The following DPP4 variants were observed in gnomAD, a reference collection of about 807,000 sequenced individuals.
The protein encoded by DPP4 is ADCP-2.
DPP4 carries 93 observed loss-of-function variants against 122.4 expected under a neutral mutation model. That is an observed-to-expected ratio of 0.76 (90% confidence interval 0.64 to 0.90). DPP4 has a LOEUF of 0.90. Ranked by LOEUF, DPP4 falls within the 40% of genes least tolerant of loss-of-function variation. DPP4 has a pLI of 0.00. For synonymous variants in DPP4, 321 were observed against 302.9 expected (o/e 1.06, Z -0.62); for missense variants, 914 against 907.3 (o/e 1.01, Z -0.09).
chr2:162,033,098 C>G (rs1325778553), intron 10 of DPP4, among the ~76,000 whole-genome samples: 1 of 152,152 alleles, frequency 6.6e-6, no homozygotes, highest in Admixed American at 6.5e-5. Context: ...TTCCTCTGCC[C>G]CCTGCTATTG....
intron 2 of DPP4, among the ~76,000 whole-genome samples, chr2:162,069,885 A>G (rs1190305372): frequency 6.6e-6 from 1 of 152,244 alleles, no homozygotes; most frequent in African/African-American, 2.4e-5. Context: ...GGTATAGAAG[A>G]AATTTACCAC....
chr2:162,022,571 T>A (rs766220118), intron 12 of DPP4, among the ~76,000 whole-genome samples, 184 bp downstream of exon 12: 7 of 152,338 alleles, frequency 4.6e-5, no homozygotes, highest in Middle Eastern at 3.4e-3. Context: ...TTTTTCCAAC[T>A]GTGTGTGTTA....
Position 161,992,708 on chromosome 2 carries a change from T to C in DPP4, c.*575A>G, listed in dbSNP as rs952185540. ...ACTTAGAAGTCAGTGCTTTGCATATTTGATTTCCTGAGACTGTTTGAATAG... is the reference window on the plus strand; with the variant it reads ...ACTTAGAAGTCAGTGCTTTGCATATCTGATTTCCTGAGACTGTTTGAATAG... On this transcript the variant is annotated 3_prime_UTR_variant, in exon 26 of 26. Coordinates refer to ENST00000360534, the MANE Select transcript of DPP4 (RefSeq NM_001935.4). 5 of 152,884 alleles carry C rather than the reference T, an allele frequency of 3.3e-5. No homozygotes were observed. The highest frequency in any genetic ancestry group is 1.2e-4 in the African/African-American group (5 of 41,454). 9.5% of individuals were successfully genotyped at this position (152,884 alleles called of 1,614,324 possible). A position where few individuals can be genotyped will look rare whatever the true frequency, so the allele number is the denominator to read the frequency against.
intron 22 of DPP4, among the ~76,000 whole-genome samples, chr2:162,007,427 C>A (rs900712902): frequency 6.6e-6 from 1 of 152,034 alleles, no homozygotes; most frequent in Non-Finnish European, 1.5e-5. Context: ...TGCATAACTG[C>A]ATAATACAAT....
In DPP4 at chr2:162,035,288, G is replaced by C; in HGVS notation, c.650C>G (p.Ser217Cys). 1 of 1,613,986 alleles carries C rather than the reference G, an allele frequency of 6.2e-7. No individual in the cohort carries two copies. Among genetic ancestry groups the C allele is most frequent in the South Asian group, 1.1e-5 (1 of 91,074 alleles). ...ATATGCTAAAAAAGTGCCGTTTGGA[G>C]ACCACCACAGAGCAGAGTAGGCACT... ...VFSAYSALWW[S>C]PNGTFLAYAQ... Residue 217 changes from serine (S) to cysteine (C), a missense_variant, in exon 9 of 26, where the codon TCT becomes TGT. Coordinates refer to ENST00000360534, the MANE Select transcript of DPP4 (RefSeq NM_001935.4).
intron 5 of DPP4, among the ~76,000 whole-genome samples, chr2:162,044,348 T>C (rs1357246529): frequency 2.6e-5 from 4 of 152,044 alleles, no homozygotes; most frequent in African/African-American, 9.7e-5. Context: ...CATCCTGAGA[T>C]GGTAAATGCA....
At chr2:162,037,992 A>AGGC (rs1683840132) in intron 8 of DPP4, among the ~76,000 whole-genome samples, 3 of 152,126 alleles carry the variant, frequency 2.0e-5, no homozygotes, top group Non-Finnish European at 2.9e-5. Flanking sequence ...GAAATATCTG[A>AGGC]TGTTAATCTG....
chr2:162,064,238 A>C (rs1284006261), intron 2 of DPP4, among the ~76,000 whole-genome samples: 3 of 152,186 alleles, frequency 2.0e-5, no homozygotes. Flanking sequence ...CAGGGAAAAT[A>C]GGGCCAGATT....
intron 2 of DPP4, among the ~76,000 whole-genome samples, chr2:162,066,942 C>T (rs909016587): frequency 2.8e-5 from 2 of 70,982 alleles, no homozygotes; most frequent in Non-Finnish European, 3.1e-5. Flanking sequence ...TTCCATTAGG[C>T]CTCACCTCCA....
At chr2:162,022,204 C>G (rs1576045439) in intron 12 of DPP4, among the ~76,000 whole-genome samples, 1 of 152,136 alleles carries the variant, frequency 6.6e-6, no homozygotes, top group South Asian at 2.1e-4. Flanking sequence ...GACTGAGAAG[C>G]ATGACAAGTC....
chr2:161,995,476 T>A, intron 23 of DPP4, 104 bp from the exon 24 acceptor site: 1 of 964,174 alleles, frequency 1.0e-6, no homozygotes, highest in Non-Finnish European at 1.6e-6. Flanking sequence ...GGGCCCCCTT[T>A]GATACAAAAT....
chr2:162,052,328 A>G (rs1684412681), intron 2 of DPP4, among the ~76,000 whole-genome samples: 1 of 150,278 alleles, frequency 6.7e-6, no homozygotes, highest in African/African-American at 2.5e-5. Context: ...CAAAAAAAAA[A>G]AAAAAAAAAA....
At chr2:161,994,848 T>G (rs76057000) in intron 25 of DPP4, 113 bp downstream of exon 25, 6 of 1,002,680 alleles carry the variant, frequency 6.0e-6, no homozygotes, top group Non-Finnish European at 7.5e-6. Flanking sequence ...AAAAAAAAAT[T>G]TTTAATGTTT....
intron 2 of DPP4, among the ~76,000 whole-genome samples, chr2:162,067,363 A>G (rs1308722746): frequency 2.0e-5 from 3 of 152,106 alleles, no homozygotes; most frequent in Non-Finnish European, 4.4e-5. Context: ...GGGGTGGATG[A>G]TAAGACCTGC....
chr2:161,993,394 GAA>G lies in DPP4; in HGVS notation c.2200-12_2200-11del. 1.3e-6 allele frequency: 2 copies of G among 1,583,192 alleles called. No individual in the cohort carries two copies. The highest frequency in any genetic ancestry group is 8.7e-7 in the Non-Finnish European group (1 of 1,154,922). Reference sequence around the variant, plus strand: ...CTTCATCAGTATACCACTAGAGAGAGAAAGAAAAGAAGTTAGAATTAGGAAGT... The same window carrying G: ...CTTCATCAGTATACCACTAGAGAGAGAGAAAAGAAGTTAGAATTAGGAAGT... On this transcript the variant is annotated splice_polypyrimidine_tract_variant and intron_variant, in intron 25 of 25. Transcript: ENST00000360534.
At chr2:162,058,361 C>G (rs1243567592) in intron 2 of DPP4, among the ~76,000 whole-genome samples, 1 of 152,136 alleles carries the variant, frequency 6.6e-6, no homozygotes, top group Admixed American at 6.5e-5. Flanking sequence ...TTAAAGAAAT[C>G]TTAGTTGGAA....
chr2:162,040,341 G>A (rs1008201817), intron 5 of DPP4, among the ~76,000 whole-genome samples: 1 of 152,078 alleles, frequency 6.6e-6, no homozygotes, highest in Admixed American at 6.6e-5. Flanking sequence ...TAAACAAACT[G>A]TAGTAGAGAT....
intron 2 of DPP4, among the ~76,000 whole-genome samples, chr2:162,052,295 G>T (rs574185143): frequency 6.9e-6 from 1 of 145,090 alleles, no homozygotes; most frequent in East Asian, 2.0e-4. Context: ...TCCAGCCTGG[G>T]CAACAAGAGC....
At position 162,018,844 on chromosome 2, in the gene DPP4, T is replaced by G. The variant is rs1409392636; in HGVS notation, c.1305A>C (p.Gln435His). The G allele has an allele frequency of 1.2e-6, 2 of 1,613,780 alleles. No individual in the cohort carries two copies. The highest frequency in any genetic ancestry group is 2.7e-5 in the African/African-American group (2 of 74,904). ...ATGTCACTTTTGTATAGTCACTAAG[T>G]TGGATTCTGTAAAACCAACGGTGGA... ...MPGGRNLYKI[Q>H]LSDYTKVTCL... The change falls in exon 16 of 26, where the codon CAA becomes CAC. Residue 435 changes from glutamine (Q) to histidine (H), a missense_variant. Physicochemically the swap from Gln to His is conservative, Grantham distance 24 (BLOSUM62 0). Coordinates refer to ENST00000360534, the MANE Select transcript of DPP4 (RefSeq NM_001935.4).
Sources: gnomAD v4.1 joint callset for allele counts (sites outside exome capture counted in the v4.1 genomes callset) on GRCh38, gnomAD v4.1.1 for gene constraint, MANE v1.5 for transcripts, NCBI Gene and HGNC (gene_info 2026-07-23, HGNC 2026-07-21) for gene names.